Variants in GABRB1 observed in about 807,000 individuals in gnomAD.
GABRB1 encodes the protein gamma-aminobutyric acid type A receptor subunit beta1.
GABRB1 carries 17 observed loss-of-function variants against 51.6 expected under a neutral mutation model. That is an observed-to-expected ratio of 0.33 (90% CI 0.23 to 0.49). The LOEUF is 0.49. Ranked by LOEUF, GABRB1 falls within the 20% of genes least tolerant of loss-of-function variation. GABRB1 has a pLI of 0.99. For synonymous variants in GABRB1, 247 were observed against 218.9 expected (o/e 1.13, Z -1.14); for missense variants, 410 against 600.6 (o/e 0.68, Z 3.32).
At chr4:47,322,752 C>A (rs1008562339) in intron 5 of GABRB1, among the ~76,000 whole-genome samples, 8 of 152,070 alleles carry the variant, frequency 5.3e-5, no homozygotes, top group African/African-American at 1.9e-4. Context: ...GGGTGGATCG[C>A]CTGAGGTCAG....
At chr4:47,060,660 T>A (rs538230023) in intron 3 of GABRB1, among the ~76,000 whole-genome samples, 1 of 152,288 alleles carries the variant, frequency 6.6e-6, no homozygotes, top group East Asian at 1.9e-4. Flanking sequence ...TTTGTCTCCT[T>A]GTGAATATTC....
At chr4:47,083,876 G>A (rs191951215) in intron 3 of GABRB1, among the ~76,000 whole-genome samples, 1 of 152,130 alleles carries the variant, frequency 6.6e-6, no homozygotes, top group East Asian at 1.9e-4. Flanking sequence ...CTATGTCTAA[G>A]GGGTCAGAAT....
upstream of GABRB1, among the ~76,000 whole-genome samples, chr4:47,027,698 T>C (rs1366802266): frequency 6.6e-6 from 1 of 151,644 alleles, no homozygotes; most frequent in Non-Finnish European, 1.5e-5. Context: ...GATTTTTAGA[T>C]TGTATTAAAT....
chr4:47,251,254 G>A lies in GABRB1; in HGVS notation c.462-68873G>A, dbSNP rs115150262. ...CCACACAGCAAGTCTACCAGGCTCCGGGCTGGTACTGGAGTTATCTGCACA... is the reference window on the plus strand; with the variant it reads ...CCACACAGCAAGTCTACCAGGCTCCAGGCTGGTACTGGAGTTATCTGCACA... On this transcript the variant is annotated intron_variant, in intron 4 of 8. Transcript: ENST00000295454. Among the ~76,000 whole-genome samples, 451 of 152,262 alleles carry A rather than the reference G, an allele frequency of 3.0e-3. 2 individuals are homozygous for A. The highest frequency in any genetic ancestry group is 0.01 in the African/African-American group (419 of 41,548).
chr4:47,175,505 C>G (rs1322869535), intron 4 of GABRB1, among the ~76,000 whole-genome samples: 1 of 152,108 alleles, frequency 6.6e-6, no homozygotes, highest in African/African-American at 2.4e-5. Flanking sequence ...CACTATCTCC[C>G]TGATGGCTTT....
At chr4:47,398,465 GA>G (rs1441526260) in intron 5 of GABRB1, among the ~76,000 whole-genome samples, 3 of 152,184 alleles carry the variant, frequency 2.0e-5, no homozygotes, top group Non-Finnish European at 4.4e-5. Flanking sequence ...ACTTTCATGG[GA>G]ATGTTTTCTG....
At chr4:47,277,709 CAT>C (rs1437243699) in intron 4 of GABRB1, among the ~76,000 whole-genome samples, 1 of 151,732 alleles carries the variant, frequency 6.6e-6, no homozygotes, top group African/African-American at 2.4e-5. Context: ...GAAGAAAAAA[CAT>C]GAATAAACCA....
chr4:47,232,452 T>C (rs904305571), intron 4 of GABRB1, among the ~76,000 whole-genome samples: 1 of 152,208 alleles, frequency 6.6e-6, no homozygotes, highest in Non-Finnish European at 1.5e-5. Context: ...CTTTTCCTGT[T>C]TTCCATACAA....
intron 4 of GABRB1, among the ~76,000 whole-genome samples, chr4:47,198,512 C>A (rs934096707): frequency 6.6e-6 from 1 of 152,092 alleles, no homozygotes; most frequent in Non-Finnish European, 1.5e-5. Context: ...CCTGTATCAT[C>A]TTGTAGAATA....
intron 4 of GABRB1, among the ~76,000 whole-genome samples, chr4:47,194,697 C>A (rs1719576286): frequency 6.6e-6 from 1 of 152,078 alleles, no homozygotes. Flanking sequence ...AAGATCTCTT[C>A]AATGAGGAAA....
chr4:47,261,442 A>T (rs1333903442), intron 4 of GABRB1, among the ~76,000 whole-genome samples: 4 of 152,218 alleles, frequency 2.6e-5, no homozygotes, highest in African/African-American at 7.2e-5. Flanking sequence ...CCCATTCACA[A>T]TTGCTTCAAA....
intron 4 of GABRB1, among the ~76,000 whole-genome samples, chr4:47,249,688 T>A (rs2109861454): frequency 6.6e-6 from 1 of 152,308 alleles, no homozygotes; most frequent in East Asian, 1.9e-4. Context: ...ATGTCCCTCT[T>A]TGTCTCTTCT....
At chr4:47,263,605 A>G (rs937351855) in intron 4 of GABRB1, among the ~76,000 whole-genome samples, 5 of 152,216 alleles carry the variant, frequency 3.3e-5, no homozygotes, top group Non-Finnish European at 7.3e-5. Context: ...CACTCTTTAA[A>G]CACCAAAATG....
chr4:47,123,798 T>C (rs1409013100), intron 3 of GABRB1, among the ~76,000 whole-genome samples: 1 of 90,260 alleles, frequency 1.1e-5, no homozygotes, highest in Non-Finnish European at 2.0e-5. Flanking sequence ...TATAATATAT[T>C]ATATATCATA....
At chr4:47,079,127 A>G (rs1727708960) in intron 3 of GABRB1, among the ~76,000 whole-genome samples, 1 of 152,178 alleles carries the variant, frequency 6.6e-6, no homozygotes, top group Non-Finnish European at 1.5e-5. Flanking sequence ...CTGGCCTCAT[A>G]AAATGAGTTA....
rs564919711 is a variant in GABRB1, at chr4:47,208,004, CAA to C, written c.461+46543_461+46544del. 9.3e-4 allele frequency among the ~76,000 whole-genome samples: 139 copies of C among 149,460 alleles called. 1 individual carries two copies. Among genetic ancestry groups the C allele is most frequent in the African/African-American group, 3.3e-3 (135 of 40,812 alleles). On this transcript the variant is annotated intron_variant, in intron 4 of 8. Transcript: ENST00000295454. ...TACACTTAAAGTAATTGACTAATGA[CAA>C]AAAAAAATGATTTTTCTGACTATAC...
rs1353562086 is a variant in GABRB1 at position 47,274,245 on chromosome 4, TA to T, written c.462-45881del. Among the ~76,000 whole-genome samples, 6 of 152,308 alleles carry T rather than the reference TA, an allele frequency of 3.9e-5. No homozygotes were observed. The South Asian group carries it at 1.0e-3, about 26-fold the overall frequency. On this transcript the variant is annotated intron_variant, in intron 4 of 8. Coordinates refer to ENST00000295454, the MANE Select transcript of GABRB1 (RefSeq NM_000812.4). The stretch of plus-strand genomic sequence containing the variant: ...AAACAATATCATCTAATAGGGATTT[TA>T]TGCAGATTATAAGCAATAATGTACA...
chr4:47,274,925 A>G (rs979852707), intron 4 of GABRB1, among the ~76,000 whole-genome samples: 1 of 152,082 alleles, frequency 6.6e-6, no homozygotes, highest in Admixed American at 6.6e-5. Flanking sequence ...AGAAGAAATT[A>G]TTTTTTCAGT....
At chr4:47,128,106 A>G (rs2109666358) in intron 3 of GABRB1, among the ~76,000 whole-genome samples, 1 of 151,902 alleles carries the variant, frequency 6.6e-6, no homozygotes, top group Middle Eastern at 3.4e-3. Flanking sequence ...TCCATTTTGG[A>G]TATAAAGATG....
Sources: allele counts gnomAD v4.1 joint callset (sites outside exome capture counted in the v4.1 genomes callset), GRCh38; gene constraint gnomAD v4.1.1; transcripts MANE v1.5; gene names NCBI Gene and HGNC (gene_info 2026-07-23, HGNC 2026-07-21).